MBTPS1: variants seen among roughly 807,000 people sequenced by gnomAD.
MBTPS1 encodes membrane-bound transcription factor site-1 protease.
A neutral mutation model predicts 127.8 loss-of-function variants in MBTPS1; 94 were observed. That is an observed-to-expected ratio of 0.74 (90% confidence interval 0.62 to 0.87). MBTPS1 has a LOEUF of 0.87. Among genes scored for constraint, MBTPS1 ranks in the 40% least tolerant of loss-of-function variants. MBTPS1 has a pLI of 0.00. For synonymous variants in MBTPS1, 632 were observed against 509.4 expected (o/e 1.24, Z -3.24); for missense variants, 1,636 against 1,353.2 (o/e 1.21, Z -3.28).
chr16:84,080,617 G>C (rs1479500525), intron 11 of MBTPS1, among the ~76,000 whole-genome samples: 1 of 152,252 alleles, frequency 6.6e-6, no homozygotes, highest in Non-Finnish European at 1.5e-5. Context: ...GCTGCTCCCA[G>C]CCAATGACTA....
In MBTPS1 at chr16:84,060,705, G is replaced by A. The variant is rs201667603; in HGVS notation, c.2681C>T (p.Ser894Leu). ...NRQRPPSGAG[S>L]VTPERMEGNH... ...ACCTTCCATCCTCTCTGGAGTGACT[G>A]AGCCTGCTCCACTGGGAGGGCGCTG... The change falls in exon 20 of 23, where the codon TCA becomes TTA. Residue 894 changes from serine (S) to leucine (L), a missense_variant. Transcript: ENST00000343411. 1.4e-4 allele frequency: 221 copies of A among 1,614,052 alleles called. 1 individual carries two copies. The Admixed American group carries it at 3.5e-3, about 26-fold the overall frequency.
chr16:84,053,873 A>G lies in MBTPS1; in HGVS notation c.*576T>C, dbSNP rs1366648302. On this transcript the variant is annotated 3_prime_UTR_variant, in exon 23 of 23. Transcript: ENST00000343411. ...GGTGGCAGGTGATACTTACAAAAAT[A>G]AAGCGAAGGTCTATGTTTTACAGAT... 1 of 152,368 alleles carries G rather than the reference A, an allele frequency of 6.6e-6. No homozygotes were observed. Among genetic ancestry groups the G allele is most frequent in the East Asian group, 1.9e-4 (1 of 5,186 alleles). 9.4% of individuals were successfully genotyped at this position (152,368 alleles called of 1,614,324 possible). A position where few individuals can be genotyped will look rare whatever the true frequency, so the allele number is the denominator to read the frequency against.
chr16:84,089,899 G>A (rs1041716169), intron 8 of MBTPS1, among the ~76,000 whole-genome samples: 4 of 152,204 alleles, frequency 2.6e-5, no homozygotes, highest in African/African-American at 4.8e-5. Flanking sequence ...AACACCTGAC[G>A]AGATGACTTA....
At chr16:84,069,306 C>A (rs915967205) in intron 14 of MBTPS1, among the ~76,000 whole-genome samples, 2 of 152,154 alleles carry the variant, frequency 1.3e-5, no homozygotes, top group African/African-American at 2.4e-5. Context: ...ATGGGGACTG[C>A]GGGGGAAGCA....
At position 84,059,350 on chromosome 16, in the gene MBTPS1, G is replaced by A; in HGVS notation, c.2783C>T (p.Pro928Leu). Reference sequence around the variant, plus strand: ...CTGTGGCTTGGCCCAAGACAAGCGTGGACAGGCTGGTAGAGGCCGAGGTTT... The same window carrying A: ...CTGTGGCTTGGCCCAAGACAAGCGTAGACAGGCTGGTAGAGGCCGAGGTTT... ...DPKPRPLPAC[P>L]RLSWAKPQPL... Residue 928 changes from proline to leucine, a missense_variant, in exon 21 of 23, where the codon CCA becomes CTA. Pro to Leu is a moderately conservative substitution (Grantham distance 98, BLOSUM62 -3). Coordinates refer to ENST00000343411, the MANE Select transcript of MBTPS1 (RefSeq NM_003791.4). The A allele has an allele frequency of 6.2e-7, 1 of 1,614,150 alleles. No individual in the cohort carries two copies.
intron 1 of MBTPS1, among the ~76,000 whole-genome samples, chr16:84,107,252 C>A (rs1429015763): frequency 6.6e-6 from 1 of 152,220 alleles, no homozygotes; most frequent in African/African-American, 2.4e-5. Context: ...AAGGGCCACA[C>A]TAGTGAGCGG....
intron 22 of MBTPS1, among the ~76,000 whole-genome samples, 159 bp downstream of exon 22, chr16:84,055,846 C>T (rs2085513623): frequency 6.6e-6 from 1 of 152,238 alleles, no homozygotes; most frequent in African/African-American, 2.4e-5. Flanking sequence ...CTTGCTCATG[C>T]TGGTTTGTGC....
rs762968189 is a variant in MBTPS1, at chr16:84,063,400, G to C, written c.2477C>G (p.Pro826Arg). 9 of 1,613,998 alleles carry C rather than the reference G, an allele frequency of 5.6e-6. No individual in the cohort carries two copies. The highest frequency in any genetic ancestry group is 1.7e-5 in the Admixed American group (1 of 60,014). Residue 826 changes from proline to arginine, a missense_variant, in exon 19 of 23, where the codon CCC (proline) becomes CGC (arginine). Transcript: ENST00000343411. The stretch of plus-strand genomic sequence containing the variant: ...TGGAATCTGATAAAGTCCCAAAATG[G>C]GGACGTTTTCAACAACTGCTGTTTC... The part of the protein sequence containing the change: ...KQETAVVENV[P>R]ILGLYQIPAE...
intron 1 of MBTPS1, among the ~76,000 whole-genome samples, chr16:84,113,048 C>T (rs922255462): frequency 9.3e-5 from 14 of 150,822 alleles, no homozygotes; most frequent in Admixed American, 2.6e-4. Flanking sequence ...AATATATATG[C>T]TAGATTTAAT....
chr16:84,064,623 G>A (rs2085655719), intron 18 of MBTPS1, among the ~76,000 whole-genome samples: 1 of 152,140 alleles, frequency 6.6e-6, no homozygotes, highest in Non-Finnish European at 1.5e-5. Context: ...GAGGGTACAA[G>A]CCAATGAGAC....
chr16:84,068,315 G>A (rs1271573826), intron 15 of MBTPS1, 24 bp downstream of exon 15: 2 of 1,450,912 alleles, frequency 1.4e-6, no homozygotes, highest in African/African-American at 2.8e-5. Context: ...AAGACCATCT[G>A]GCTAGCACAG....
intron 6 of MBTPS1, among the ~76,000 whole-genome samples, chr16:84,092,935 C>A (rs1050098823): frequency 6.6e-6 from 1 of 152,192 alleles, no homozygotes; most frequent in Non-Finnish European, 1.5e-5. Flanking sequence ...CAAGGGAAAT[C>A]AAAGAATCGT....
At position 84,082,585 on chromosome 16, in the gene MBTPS1, TG is replaced by T. The variant is rs556316514; in HGVS notation, c.1287-678del. On this transcript the variant is annotated intron_variant, in intron 10 of 22. Transcript: ENST00000343411. ...TACAACATCCATTTTTGTGTATTTA[TG>T]TATTATAAATACAAGTGAATTTTAA... Among the ~76,000 whole-genome samples, 680 of 152,322 alleles carry T rather than the reference TG, an allele frequency of 4.5e-3. 8 individuals are homozygous for T. The highest frequency in any genetic ancestry group is 0.016 in the African/African-American group (658 of 41,566).
rs2086072966 is a variant in MBTPS1, at chr16:84,089,369, T to C, written c.1031+1506A>G. On this transcript the variant is annotated intron_variant, in intron 8 of 22. Transcript: ENST00000343411. ...CACACAATAACGCCTAAAATATTTA[T>C]TATCTGACCCTTTACAGAAAAAGTT... Among the ~76,000 whole-genome samples, 5 of 152,358 alleles carry C rather than the reference T, an allele frequency of 3.3e-5. No homozygotes were observed. In the South Asian group the frequency reaches 1.0e-3, roughly 32 times the overall value.
At chr16:84,089,654 G>T (rs369217794) in intron 8 of MBTPS1, among the ~76,000 whole-genome samples, 1 of 152,324 alleles carries the variant, frequency 6.6e-6, no homozygotes, top group African/African-American at 2.4e-5. Flanking sequence ...CCCATCACAG[G>T]TGAGGGAGCT....
chr16:84,073,006 T>C (rs1160244747), intron 12 of MBTPS1, among the ~76,000 whole-genome samples: 1 of 152,202 alleles, frequency 6.6e-6, no homozygotes, highest in African/African-American at 2.4e-5. Flanking sequence ...ATATATGCAA[T>C]AATATTCAGT....
At chr16:84,097,143 C>T (rs8049980) in intron 3 of MBTPS1, among the ~76,000 whole-genome samples, 150,581 of 152,286 alleles carry the variant, frequency 0.99, 74,456 homozygotes, top group East Asian at 1. Context: ...TACTGTCACG[C>T]AGAAAACAGA....
At chr16:84,092,505 C>G (rs76515762) in intron 6 of MBTPS1, among the ~76,000 whole-genome samples, 1 of 152,040 alleles carries the variant, frequency 6.6e-6, no homozygotes, top group Non-Finnish European at 1.5e-5. Flanking sequence ...AGAAATTCTA[C>G]GAGGAGGTAT....
At chr16:84,105,200 G>A (rs1234356673) in intron 1 of MBTPS1, among the ~76,000 whole-genome samples, 1 of 152,108 alleles carries the variant, frequency 6.6e-6, no homozygotes, top group Non-Finnish European at 1.5e-5. Flanking sequence ...GGAAAACAGA[G>A]AAGGCAATTA....
Sources: gnomAD v4.1 joint callset for allele counts (sites outside exome capture counted in the v4.1 genomes callset) on GRCh38, gnomAD v4.1.1 for gene constraint, MANE v1.5 for transcripts, NCBI Gene and HGNC (gene_info 2026-07-23, HGNC 2026-07-21) for gene names.